Variants in CDH4 observed in about 807,000 individuals in gnomAD.
The protein encoded by CDH4 is cadherin-4.
Under a neutral mutation model 86.0 loss-of-function variants are expected in CDH4, and 33 were observed. The observed-to-expected ratio is 0.38, with a 90% CI of 0.29 to 0.51. CDH4 has a LOEUF of 0.51. CDH4 is among the 20% of genes least tolerant of loss of function. The pLI is 0.86. For missense variants in CDH4, 1,114 were observed against 1,307.4 expected (o/e 0.85, Z 2.28); for synonymous variants, 555 against 549.4 (o/e 1.01, Z -0.14).
chr20:61,266,220 G>A (rs1390677737), intron 2 of CDH4, among the ~76,000 whole-genome samples: 3 of 152,084 alleles, frequency 2.0e-5, no homozygotes, highest in Non-Finnish European at 2.9e-5. Flanking sequence ...GTGTTGAGAG[G>A]TGTGCTTTCT....
At chr20:61,344,072 G>A (rs2084663869) in intron 2 of CDH4, among the ~76,000 whole-genome samples, 1 of 152,162 alleles carries the variant, frequency 6.6e-6, no homozygotes, top group Admixed American at 6.5e-5. Flanking sequence ...AGCTCAGAGT[G>A]CACTGAGGAC....
intron 2 of CDH4, among the ~76,000 whole-genome samples, chr20:61,726,434 C>T (rs1454513213): frequency 6.6e-6 from 1 of 152,152 alleles, no homozygotes; most frequent in Non-Finnish European, 1.5e-5. Flanking sequence ...GTTTATTTCT[C>T]AGTGTGTCCA....
At chr20:61,776,556 C>A (rs767961068) in intron 4 of CDH4, among the ~76,000 whole-genome samples, 100 of 152,364 alleles carry the variant, frequency 6.6e-4, no homozygotes, top group Admixed American at 9.1e-4. Flanking sequence ...CCAGCAGCCC[C>A]TGCAGGCAGG....
In CDH4 at chr20:61,894,945, A is replaced by G; in HGVS notation, c.1086A>G (p.Thr362=). The part of the protein sequence containing the change: ...VQQYTVIVQA[T]DMEGNLNYGL... ...AGTACACAGTCATCGTTCAGGCCAC[A>G]GATATGGAAGGAAATCTCAACTATG... The change falls in exon 8 of 16, where the codon ACA becomes ACG. Residue 362 remains threonine (T), a synonymous_variant. Transcript: ENST00000614565. The G allele has an allele frequency of 6.2e-7, 1 of 1,613,960 alleles. No homozygotes were observed. The highest frequency in any genetic ancestry group is 8.5e-7 in the Non-Finnish European group (1 of 1,179,986).
intron 2 of CDH4, among the ~76,000 whole-genome samples, chr20:61,428,087 C>T (rs1302371309): frequency 3.9e-5 from 6 of 152,134 alleles, no homozygotes; most frequent in Non-Finnish European, 8.8e-5. Flanking sequence ...TAGACAGAGA[C>T]CCCCAGCAGG....
At chr20:61,404,878 G>A (rs188730028) in intron 2 of CDH4, among the ~76,000 whole-genome samples, 6 of 152,118 alleles carry the variant, frequency 3.9e-5, no homozygotes, top group Admixed American at 3.3e-4. Context: ...GTGAAACCCC[G>A]TCTCTACTAA....
chr20:61,259,013 C>T (rs1368879447), intron 2 of CDH4, among the ~76,000 whole-genome samples: 1 of 152,172 alleles, frequency 6.6e-6, no homozygotes, highest in Non-Finnish European at 1.5e-5. Flanking sequence ...CATTATAATC[C>T]ATCACATGGT....
intron 2 of CDH4, among the ~76,000 whole-genome samples, chr20:61,512,462 G>T (rs1444544919): frequency 6.6e-6 from 1 of 152,190 alleles, no homozygotes. Flanking sequence ...CTAGAAGAAA[G>T]GGAGGTTAAA....
At chr20:61,848,868 T>C (rs1018213446) in intron 5 of CDH4, among the ~76,000 whole-genome samples, 2 of 152,158 alleles carry the variant, frequency 1.3e-5, no homozygotes, top group Non-Finnish European at 2.9e-5. Flanking sequence ...TGAGGCTTCA[T>C]GGTTTTCTCC....
At chr20:61,641,160 G>C (rs1222499080) in intron 2 of CDH4, among the ~76,000 whole-genome samples, 1 of 152,216 alleles carries the variant, frequency 6.6e-6, no homozygotes, top group East Asian at 1.9e-4. Flanking sequence ...ACCCCGGAGA[G>C]GGAGAAGGCA....
chr20:61,764,009 G>C (rs2088669659), intron 3 of CDH4, among the ~76,000 whole-genome samples: 2 of 152,198 alleles, frequency 1.3e-5, no homozygotes, highest in South Asian at 2.1e-4. Context: ...CGAGTGATGA[G>C]GGGAGGGAAA....
In CDH4 at chr20:61,505,096, C is replaced by A. The variant is rs922673856; in HGVS notation, c.170-238467C>A. On this transcript the variant is annotated intron_variant, in intron 2 of 15. Coordinates refer to ENST00000614565, the MANE Select transcript of CDH4 (RefSeq NM_001794.5). ...TCCTGGTGGAGATTATTTTAAAATC[C>A]GCATCTGCTTTCACTCATGTCTGGG... 2.6e-5 allele frequency among the ~76,000 whole-genome samples: 4 copies of A among 152,120 alleles called. No individual in the cohort carries two copies. The East Asian group carries it at 7.7e-4, about 29-fold the overall frequency.
At chr20:61,820,478 A>G (rs973287561) in intron 4 of CDH4, among the ~76,000 whole-genome samples, 1 of 152,206 alleles carries the variant, frequency 6.6e-6, no homozygotes, top group African/African-American at 2.4e-5. Context: ...AAGTCACCCA[A>G]GGAGGCTCCT....
At chr20:61,585,264 T>C (rs2086460479) in intron 2 of CDH4, among the ~76,000 whole-genome samples, 2 of 152,230 alleles carry the variant, frequency 1.3e-5, no homozygotes, top group Admixed American at 1.3e-4. Flanking sequence ...CGAGGGGCTA[T>C]TGGTCATTTC....
chr20:61,753,183 T>A lies in CDH4; in HGVS notation c.396+9394T>A, dbSNP rs182976127. On this transcript the variant is annotated intron_variant, in intron 3 of 15. Transcript: ENST00000614565. The stretch of plus-strand genomic sequence containing the variant: ...GAGCGCTGGGAGTCCCAGGGCAGTG[T>A]TTATTGAGAGGAGCCTGGAAGCAGA... Among the ~76,000 whole-genome samples, 572 of 152,092 alleles carry A rather than the reference T, an allele frequency of 3.8e-3. 1 individual carries two copies. The highest frequency in any genetic ancestry group is 0.013 in the African/African-American group (537 of 41,474).
chr20:61,528,912 G>A (rs6061600), intron 2 of CDH4, among the ~76,000 whole-genome samples: 39,685 of 150,782 alleles, frequency 0.26, 6,686 homozygotes, highest in African/African-American at 0.48. Context: ...GATTTCTTAC[G>A]GTCCATAGAT....
chr20:61,865,120 C>A, intron 6 of CDH4, among the ~76,000 whole-genome samples: 1 of 152,178 alleles, frequency 6.6e-6, no homozygotes. Flanking sequence ...CCCCTGCCCC[C>A]CAACAGCTCT....
chr20:61,454,383 C>T (rs1568850960), intron 2 of CDH4, among the ~76,000 whole-genome samples: 1 of 151,956 alleles, frequency 6.6e-6, no homozygotes, highest in African/African-American at 2.4e-5. Flanking sequence ...CAAACACGGG[C>T]GGTTGTTAGT....
In CDH4 at chr20:61,470,033, G is replaced by T. The variant is rs568413919; in HGVS notation, c.169+215096G>T. 1.9e-3 allele frequency among the ~76,000 whole-genome samples: 284 copies of T among 152,112 alleles called. 1 individual carries two copies. Among genetic ancestry groups the T allele is most frequent in the African/African-American group, 6.5e-3 (271 of 41,522 alleles). On this transcript the variant is annotated intron_variant, in intron 2 of 15. Transcript: ENST00000614565. ...TGTTCTTTTTGCTCAGGAGAGCTTT[G>T]GCTATTCTGGGTCTTTTGTGGTTCT...
Sources: allele counts gnomAD v4.1 joint callset (sites outside exome capture counted in the v4.1 genomes callset), GRCh38; gene constraint gnomAD v4.1.1; transcripts MANE v1.5; gene names NCBI Gene and HGNC (gene_info 2026-07-23, HGNC 2026-07-21).